ATP2B1: variants seen among roughly 807,000 people sequenced by gnomAD.
The protein encoded by ATP2B1 is plasma membrane calcium-transporting ATPase 1.
In ATP2B1, 14 loss-of-function variants were observed where a neutral mutation model predicts 124.2. The ratio of observed to expected loss-of-function variants is 0.11; its 90% confidence interval spans 0.07 to 0.18. The LOEUF is 0.18. Among genes scored for constraint, ATP2B1 ranks in the 10% least tolerant of loss-of-function variants. ATP2B1 has a pLI of 1.00. For synonymous variants in ATP2B1, 449 were observed against 492.4 expected, an observed-to-expected ratio of 0.91 and a Z score of 1.17; for missense variants, 763 against 1,466.1, an observed-to-expected ratio of 0.52 and a Z score of 7.83.
chr12:89,697,281 A>AG (rs1037443497), intron 1 of ATP2B1, among the ~76,000 whole-genome samples: 1 of 152,084 alleles, frequency 6.6e-6, no homozygotes, highest in African/African-American at 2.4e-5. Flanking sequence ...TCAGAATCTC[A>AG]GGGGAAGACT....
chr12:89,613,277 G>A (rs1878373389), intron 12 of ATP2B1, among the ~76,000 whole-genome samples: 1 of 152,044 alleles, frequency 6.6e-6, no homozygotes, highest in Non-Finnish European at 1.5e-5. Context: ...CACCATGCCC[G>A]GCCCAGGGTA....
Position 89,603,465 on chromosome 12 carries a change from A to C in ATP2B1, c.2849-211T>G, listed in dbSNP as rs1876264831. ...AAACTATGGTGATAATCTCAGGATC[A>C]CATATCTAAATTAGTGGAGAGCCAG... is the stretch of plus-strand genomic sequence containing the variant. On this transcript the variant is annotated intron_variant, in intron 17 of 20. Coordinates refer to ENST00000428670, the MANE Select transcript of ATP2B1 (RefSeq NM_001366521.1). The surrounding 1 kb of genome is among the most constrained non-coding windows in gnomAD (Gnocchi z 4.3). 1 of 631,724 alleles carries C rather than the reference A, an allele frequency of 1.6e-6. No individual in the cohort carries two copies. Among genetic ancestry groups the C allele is most frequent in the Non-Finnish European group, 2.7e-6 (1 of 370,216 alleles). The allele number at this position is 631,724 out of a possible 1,614,324, so 39.1% of individuals were successfully genotyped here.
At chr12:89,695,187 T>C (rs938283309) in intron 1 of ATP2B1, among the ~76,000 whole-genome samples, 3 of 151,620 alleles carry the variant, frequency 2.0e-5, no homozygotes, top group African/African-American at 7.3e-5. Context: ...CTGGAAACAA[T>C]ATACCCCTAT....
intron 15 of ATP2B1, among the ~76,000 whole-genome samples, chr12:89,604,792 A>C (rs1876513393): frequency 6.6e-6 from 1 of 152,162 alleles, no homozygotes. Context: ...CAGACACAAG[A>C]AAGCTGAATC....
intron 2 of ATP2B1, among the ~76,000 whole-genome samples, chr12:89,649,164 TG>T (rs1334415061): frequency 2.6e-5 from 4 of 152,250 alleles, no homozygotes; most frequent in Non-Finnish European, 5.9e-5. Context: ...ACTAGGGCAC[TG>T]CTTAGTGGAG....
At chr12:89,622,298 G>GT (rs1880121671) in intron 9 of ATP2B1, among the ~76,000 whole-genome samples, 1 of 50,512 alleles carries the variant, frequency 2.0e-5, no homozygotes, top group Admixed American at 2.6e-4. Context: ...GTAGTTGCTT[G>GT]ATTTTTTTTT....
intron 1 of ATP2B1, among the ~76,000 whole-genome samples, chr12:89,690,410 AGTATAGGGACATCGGTAAAAATTATAT>A (rs1266745042): frequency 6.6e-6 from 1 of 151,844 alleles, no homozygotes; most frequent in African/African-American, 2.4e-5. Context: ...ACACATTTTA[AGTATAGGGACATCGGTAAAAATTATAT>A]CACAAATACT....
At chr12:89,655,592 C>T (rs1320157732) in intron 2 of ATP2B1, 87 bp downstream of exon 2, 25 of 1,286,606 alleles carry the variant, frequency 1.9e-5, no homozygotes, top group Non-Finnish European at 2.8e-5. Context: ...CATACAATCG[C>T]CAAGATAATA....
At chr12:89,676,069 T>C (rs753588705) in intron 1 of ATP2B1, among the ~76,000 whole-genome samples, 1 of 151,974 alleles carries the variant, frequency 6.6e-6, no homozygotes, top group African/African-American at 2.4e-5. Flanking sequence ...AGCTAGGAGT[T>C]TGGATGAGGT....
chr12:89,706,871 T>C (rs1006235587), intron 1 of ATP2B1, among the ~76,000 whole-genome samples: 11 of 152,270 alleles, frequency 7.2e-5, no homozygotes, highest in East Asian at 3.9e-4. Flanking sequence ...TCTTTGCAGT[T>C]ACACCCAAGC....
chr12:89,620,213 G>A lies in ATP2B1; in HGVS notation c.1615C>T (p.Arg539Cys), dbSNP rs768262746. 9 of 1,613,806 alleles carry A rather than the reference G, an allele frequency of 5.6e-6. No individual in the cohort carries two copies. Among genetic ancestry groups the A allele is most frequent in the Admixed American group, 3.3e-5 (2 of 59,986 alleles). ...CATTCAGTTTTATTACCAACGTGAC[G>A]AGGTAATCCACCCTCTTTCTCTGGT... ...LPPEKEGGLPRHVGNKTECAL... is the reference protein window; with the variant it reads ...LPPEKEGGLPCHVGNKTECAL... The change falls in exon 11 of 21, where the codon CGT becomes TGT. Residue 539 changes from arginine (R) to cysteine (C), a missense_variant. By Grantham distance (180) the Arg-to-Cys change is radical (BLOSUM62 -3). Around this residue, in one of 7 missense-constraint regions of ATP2B1, gnomAD observed 392 missense variants for 776.6 expected, o/e 0.50. Coordinates refer to ENST00000428670, the MANE Select transcript of ATP2B1 (RefSeq NM_001366521.1).
chr12:89,592,181 C>CTA (rs1873705544), intron 20 of ATP2B1, among the ~76,000 whole-genome samples: 1 of 151,936 alleles, frequency 6.6e-6, no homozygotes, highest in Admixed American at 6.6e-5. Context: ...AGTGCACACA[C>CTA]TGACATTAAG....
chr12:89,705,372 T>C (rs953262310), intron 1 of ATP2B1, among the ~76,000 whole-genome samples: 1 of 152,138 alleles, frequency 6.6e-6, no homozygotes. Flanking sequence ...AAAACCTAAA[T>C]GTTTGTTTCT....
chr12:89,694,206 T>A (rs1046617817), intron 1 of ATP2B1, among the ~76,000 whole-genome samples: 4 of 152,202 alleles, frequency 2.6e-5, no homozygotes, highest in Non-Finnish European at 4.4e-5. Flanking sequence ...AAGATGTGTA[T>A]CTACTAACTA....
intron 8 of ATP2B1, among the ~76,000 whole-genome samples, chr12:89,625,303 G>A (rs940527178): frequency 5.9e-5 from 9 of 151,718 alleles, no homozygotes; most frequent in African/African-American, 2.2e-4. Flanking sequence ...AATAGAGGCA[G>A]CTGGGCGCAG....
In ATP2B1 at chr12:89,695,885, T is replaced by C. The variant is rs543551464; in HGVS notation, c.-222+12711A>G. Among the ~76,000 whole-genome samples the C allele has an allele frequency of 6.6e-5, 10 of 152,334 alleles. No individual in the cohort carries two copies. The South Asian group carries it at 2.1e-3, about 32-fold the overall frequency. On this transcript the variant is annotated intron_variant, in intron 1 of 20. Transcript: ENST00000428670. ...CAATCTTTGTGTCATTTACCTGACA[T>C]ATCATTCAGCTCAAATTTAAAAGAA...
At chr12:89,630,454 A>C in intron 6 of ATP2B1, 51 bp downstream of exon 6, 1 of 1,383,800 alleles carries the variant, frequency 7.2e-7, no homozygotes, top group South Asian at 1.7e-5. Flanking sequence ...AGTTCTTACA[A>C]ATTATTTGCC....
chr12:89,690,384 A>C (rs911751731), intron 1 of ATP2B1, among the ~76,000 whole-genome samples: 4 of 151,600 alleles, frequency 2.6e-5, no homozygotes, highest in Admixed American at 1.3e-4. Flanking sequence ...AGTCTTATTA[A>C]TAAAGTGGGT....
chr12:89,677,962 A>ATATATATATG (rs1555206877), intron 1 of ATP2B1, among the ~76,000 whole-genome samples: 2 of 97,636 alleles, frequency 2.0e-5, no homozygotes, highest in Non-Finnish European at 4.5e-5. Context: ...AATTATATAT[A>ATATATATATG]TATATATATA....
Sources: gnomAD v4.1 joint callset for allele counts (sites outside exome capture counted in the v4.1 genomes callset) on GRCh38, gnomAD v4.1.1 for gene constraint, gnomAD v4.1.1 regional missense constraint, Gnocchi (gnomAD v3.1) non-coding constraint, MANE v1.5 for transcripts, NCBI Gene and HGNC (gene_info 2026-07-23, HGNC 2026-07-21) for gene names.